The following CNOT9 variants were observed in gnomAD, a reference collection of about 807,000 sequenced individuals.
CNOT9 encodes RCD1 required for cell differentiation1 homolog.
A neutral mutation model predicts 37.4 loss-of-function variants in CNOT9; 8 were observed. That is an observed-to-expected ratio of 0.21 (90% CI 0.13 to 0.39). The LOEUF (loss-of-function observed/expected upper bound fraction) is 0.39. CNOT9 is among the 10% of genes least tolerant of loss of function. The pLI, the probability that CNOT9 is intolerant of heterozygous loss-of-function variation, is 1.00. For synonymous variants in CNOT9, 120 were observed against 137.6 expected (o/e 0.87, Z 0.90); for missense variants, 154 against 365.3 (o/e 0.42, Z 4.71).
chr2:218,594,278 C>T lies in CNOT9; in HGVS notation c.*2C>T. 6.2e-7 allele frequency: 1 copy of T among 1,603,970 alleles called. No homozygotes were observed. The highest frequency in any genetic ancestry group is 1.1e-5 in the South Asian group (1 of 90,054). ...GGTATCCCCCTGCCCCCTCAGTGATCCTTCCCTGTTCCCTCCCACTACTCC... is the reference window on the plus strand; with the variant it reads ...GGTATCCCCCTGCCCCCTCAGTGATTCTTCCCTGTTCCCTCCCACTACTCC... On this transcript the variant is annotated 3_prime_UTR_variant, in exon 8 of 8. Coordinates refer to ENST00000273064, the MANE Select transcript of CNOT9 (RefSeq NM_005444.3).
At chr2:218,582,813 A>G (rs1233933000) in intron 2 of CNOT9, among the ~76,000 whole-genome samples, 158 bp from the exon 3 acceptor site, 1 of 152,082 alleles carries the variant, frequency 6.6e-6, no homozygotes, top group Non-Finnish European at 1.5e-5. Flanking sequence ...ATGAAAGGAT[A>G]TGAGCATTAT....
chr2:218,578,527 G>A (rs1340155798), intron 1 of CNOT9, among the ~76,000 whole-genome samples: 1 of 152,188 alleles, frequency 6.6e-6, no homozygotes, highest in East Asian at 1.9e-4. Context: ...AGTACTGTGA[G>A]AAACTGTAAT....
rs543835116 is a variant in CNOT9, at chr2:218,595,336, G to C, written c.*1060G>C. 3 of 143,286 alleles carry C rather than the reference G, an allele frequency of 2.1e-5. No individual in the cohort carries two copies. Among genetic ancestry groups the C allele is most frequent in the Non-Finnish European group, 3.0e-5 (2 of 65,770 alleles). The allele number at this position is 143,286 out of a possible 1,614,324, so 8.9% of individuals were successfully genotyped here. A position where few individuals can be genotyped will look rare whatever the true frequency, so the allele number is the denominator to read the frequency against. On this transcript the variant is annotated 3_prime_UTR_variant, in exon 8 of 8. Coordinates refer to ENST00000273064, the MANE Select transcript of CNOT9 (RefSeq NM_005444.3). Reference sequence around the variant, plus strand: ...CATCTGTCTTCATGATTGTACTTGAGCAGTATTAGCTGTATGAGTTAATTT... The same window carrying C: ...CATCTGTCTTCATGATTGTACTTGACCAGTATTAGCTGTATGAGTTAATTT...
rs962813236 is a variant in CNOT9 at position 218,592,499 on chromosome 2, A to C, written c.639+97A>C. 1.4e-6 allele frequency: 2 copies of C among 1,461,306 alleles called. No individual in the cohort carries two copies. Among genetic ancestry groups the C allele is most frequent in the Admixed American group, 1.7e-5 (1 of 59,786 alleles). 90.5% of individuals were successfully genotyped at this position (1,461,306 alleles called of 1,614,324 possible). On this transcript the variant is annotated intron_variant, in intron 6 of 7. Coordinates refer to ENST00000273064, the MANE Select transcript of CNOT9 (RefSeq NM_005444.3). This position sits in a 1 kb window ranked among gnomAD's most constrained non-coding sequence, Gnocchi z 4.1. ...GAACAACTTCAGTCCTCTGACTAGA[A>C]CTAACAATTTTGGAACCTTTTATGA...
At chr2:218,577,602 C>T (rs1357668422) in intron 1 of CNOT9, among the ~76,000 whole-genome samples, 1 of 152,240 alleles carries the variant, frequency 6.6e-6, no homozygotes, top group Non-Finnish European at 1.5e-5. Context: ...CCACTGCCAG[C>T]AGGGCCATCT....
Position 218,583,091 on chromosome 2 carries a change from A to G in CNOT9, c.320+5A>G, listed in dbSNP as rs1026801304. The G allele has an allele frequency of 6.3e-7, 1 of 1,591,106 alleles. No individual in the cohort carries two copies. On this transcript the variant is annotated splice_donor_5th_base_variant and intron_variant, in intron 3 of 7. Transcript: ENST00000273064. ...AGCATCACATCCAGAAACCAGGTAAATGCTTTGGGTGAGTCACTTGGGGGA... is the reference window on the plus strand; with the variant it reads ...AGCATCACATCCAGAAACCAGGTAAGTGCTTTGGGTGAGTCACTTGGGGGA...
At chr2:218,585,832 G>T (rs1229833261) in intron 4 of CNOT9, among the ~76,000 whole-genome samples, 3 of 151,638 alleles carry the variant, frequency 2.0e-5, no homozygotes, top group Admixed American at 2.0e-4. Flanking sequence ...TAGACACAAG[G>T]TCTCACTTTT....
chr2:218,591,143 G>C (rs1371296585), intron 5 of CNOT9, among the ~76,000 whole-genome samples: 1 of 152,132 alleles, frequency 6.6e-6, no homozygotes, highest in Non-Finnish European at 1.5e-5. Context: ...TTGGTGATTA[G>C]GGCCTGGATA....
rs948420406 is a variant in CNOT9, at chr2:218,592,217, T to G, written c.541-87T>G. The stretch of plus-strand genomic sequence containing the variant: ...ATCCCTGCTTGCTCAATTTTCTGAC[T>G]GATAGTCATGCCTGGGAAAATGAGT... On this transcript the variant is annotated intron_variant, in intron 5 of 7. Transcript: ENST00000273064. The surrounding 1 kb of genome is among the most constrained non-coding windows in gnomAD (Gnocchi z 4.1). 9.5e-6 allele frequency: 9 copies of G among 948,812 alleles called. No individual in the cohort carries two copies. The highest frequency in any genetic ancestry group is 1.3e-5 in the Non-Finnish European group (8 of 594,584). 58.8% of individuals were successfully genotyped at this position (948,812 alleles called of 1,614,324 possible). A position where few individuals can be genotyped will look rare whatever the true frequency, so the allele number is the denominator to read the frequency against.
chr2:218,579,233 A>G (rs1694281257), intron 1 of CNOT9, among the ~76,000 whole-genome samples: 1 of 152,236 alleles, frequency 6.6e-6, no homozygotes, highest in Non-Finnish European at 1.5e-5. Flanking sequence ...AACTACAGTT[A>G]ACAGTTCTTT....
intron 7 of CNOT9, among the ~76,000 whole-genome samples, chr2:218,593,238 G>A (rs2106100664): frequency 6.6e-6 from 1 of 152,324 alleles, no homozygotes; most frequent in East Asian, 1.9e-4. Flanking sequence ...CATGCTGAAA[G>A]CAACCTGCTC....
At chr2:218,569,141 G>A (rs1010214695) in intron 1 of CNOT9, among the ~76,000 whole-genome samples, 163 bp downstream of exon 1, 5 of 152,216 alleles carry the variant, frequency 3.3e-5, no homozygotes, top group African/African-American at 1.2e-4. Context: ...TTGTGGTGGA[G>A]CCGGCCCCTA....
At chr2:218,593,504 A>T in intron 7 of CNOT9, 1 of 1,410,742 alleles carries the variant, frequency 7.1e-7, no homozygotes, top group African/African-American at 1.4e-5. Context: ...AGCTCTACAC[A>T]TAGTTAACAT....
At chr2:218,572,563 C>A in intron 1 of CNOT9, 1 of 414,338 alleles carries the variant, frequency 2.4e-6, no homozygotes, top group Non-Finnish European at 3.2e-6. Flanking sequence ...TAAAAATTTT[C>A]CAGGCTGCAG....
In CNOT9 at chr2:218,584,684, C is replaced by T; in HGVS notation, c.393C>T (p.Pro131=). ...PFLHTVSKTR[P]FEYLRLTSLG... ...TGCACACTGTCAGCAAAACACGTCC[C>T]TTTGAGTATCTCCGGCTCACCAGCC... The change falls in exon 4 of 8, where the codon CCC becomes CCT. Residue 131 remains proline (P), a synonymous_variant. Transcript: ENST00000273064. 1 of 1,613,764 alleles carries T rather than the reference C, an allele frequency of 6.2e-7. No individual in the cohort carries two copies.
intron 1 of CNOT9, 145 bp downstream of exon 1, chr2:218,569,123 C>G: frequency 1.1e-6 from 1 of 881,524 alleles, no homozygotes; most frequent in Non-Finnish European, 1.7e-6. Context: ...CTCCTCGGCA[C>G]GCTTTGGTTG....
At chr2:218,588,588 C>CTTTTTTTTTTTTTTTTTTTTTTTTT (rs1172484260) in intron 5 of CNOT9, among the ~76,000 whole-genome samples, 1 of 33,450 alleles carries the variant, frequency 3.0e-5, no homozygotes, top group African/African-American at 1.4e-4. Context: ...TCCACCCGGC[C>CTTTTTTTTTTTTTTTTTTTTTTTTT]TTTTTTTTTT....
At chr2:218,583,179 G>C (rs1694454450) in intron 3 of CNOT9, 93 bp downstream of exon 3, 6 of 774,866 alleles carry the variant, frequency 7.7e-6, no homozygotes, top group South Asian at 7.6e-5. Flanking sequence ...ATGGAGGAGA[G>C]AGAGAGAGAA....
At chr2:218,571,459 A>G (rs141635404) in intron 1 of CNOT9, among the ~76,000 whole-genome samples, 176 of 152,328 alleles carry the variant, frequency 1.2e-3, no homozygotes, top group African/African-American at 4.0e-3. Context: ...TCACATGTAA[A>G]TGCAGGATAT....
Sources: allele counts gnomAD v4.1 joint callset (sites outside exome capture counted in the v4.1 genomes callset), GRCh38; gene constraint gnomAD v4.1.1; non-coding constraint Gnocchi (gnomAD v3.1); transcripts MANE v1.5; gene names NCBI Gene and HGNC (gene_info 2026-07-23, HGNC 2026-07-21).